The following PPARD variants were observed in gnomAD, a reference collection of about 807,000 sequenced individuals.
PPARD encodes peroxisome proliferator activated receptor delta, also known as peroxisome proliferator-activated receptor delta.
A neutral mutation model predicts 39.5 loss-of-function variants in PPARD; 6 were observed. The ratio of observed to expected loss-of-function variants is 0.15; its 90% CI spans 0.08 to 0.30. The LOEUF (loss-of-function observed/expected upper bound fraction) is 0.30, where lower values mean the gene tolerates loss of function less well. Ranked by LOEUF, PPARD falls within the 10% of genes least tolerant of loss-of-function variation. The pLI is 1.00. For missense variants in PPARD, 397 were observed against 596.8 expected, an observed-to-expected ratio of 0.67 and a Z score of 3.49; for synonymous variants, 210 against 231.3, an observed-to-expected ratio of 0.91 and a Z score of 0.83.
intron 2 of PPARD, among the ~76,000 whole-genome samples, chr6:35,351,861 C>CTTTTTTTTT (rs774957372): frequency 1.9e-4 from 17 of 87,358 alleles, no homozygotes; most frequent in Middle Eastern, 9.8e-3. Context: ...CACACCCAGC[C>CTTTTTTTTT]TTTTTTTTTT....
chr6:35,364,724 G>GTT (rs112971007), intron 2 of PPARD, among the ~76,000 whole-genome samples: 14 of 141,784 alleles, frequency 9.9e-5, no homozygotes, highest in Middle Eastern at 3.8e-3. Flanking sequence ...TTTTTTGTTT[G>GTT]TTTTTTTTTT....
At chr6:35,407,194 C>T (rs1291057017) in intron 2 of PPARD, among the ~76,000 whole-genome samples, 1 of 152,212 alleles carries the variant, frequency 6.6e-6, no homozygotes, top group Non-Finnish European at 1.5e-5. Flanking sequence ...TCCTCTGTTA[C>T]TGCCTGCTAA....
intron 2 of PPARD, among the ~76,000 whole-genome samples, chr6:35,388,025 CTTTTTTTTT>C (rs199635143): frequency 7.3e-6 from 1 of 136,670 alleles, no homozygotes; most frequent in African/African-American, 2.6e-5. Flanking sequence ...CCTGGCCATT[CTTTTTTTTT>C]TTTTTTTAAA....
chr6:35,404,952 TTTGTGTGTGTGTGTGTG>T (rs1483987933), intron 2 of PPARD, among the ~76,000 whole-genome samples: 2 of 118,818 alleles, frequency 1.7e-5, no homozygotes, highest in African/African-American at 6.0e-5. Flanking sequence ...CACTGCAGGC[TTTGTGTGTGTGTGTGTG>T]TGTGTGTGTG....
At chr6:35,415,106 T>A (rs913648358) in intron 3 of PPARD, among the ~76,000 whole-genome samples, 3 of 152,144 alleles carry the variant, frequency 2.0e-5, no homozygotes, top group Non-Finnish European at 4.4e-5. Flanking sequence ...AAAGTGTCCT[T>A]CCTCCTGGCC....
At chr6:35,381,615 A>G (rs1382586988) in intron 2 of PPARD, among the ~76,000 whole-genome samples, 1 of 152,174 alleles carries the variant, frequency 6.6e-6, no homozygotes, top group East Asian at 1.9e-4. Flanking sequence ...AAAGGCAAAA[A>G]GAACACATGC....
intron 2 of PPARD, among the ~76,000 whole-genome samples, chr6:35,361,868 A>G (rs941617702): frequency 5.3e-5 from 8 of 152,224 alleles, no homozygotes; most frequent in African/African-American, 1.9e-4. Flanking sequence ...AGGGCCTGCC[A>G]CTTGCAAGCT....
intron 2 of PPARD, among the ~76,000 whole-genome samples, chr6:35,383,954 C>T (rs1388344645): frequency 7.6e-6 from 1 of 132,240 alleles, no homozygotes; most frequent in African/African-American, 4.0e-5. Context: ...GGTCAGCCCC[C>T]CCGCCAGGCC....
Position 35,424,379 on chromosome 6 carries a change from G to A in PPARD, c.678G>A (p.Leu226=). 2.5e-6 allele frequency: 4 copies of A among 1,613,726 alleles called. No individual in the cohort carries two copies. Among genetic ancestry groups the A allele is most frequent in the Non-Finnish European group, 2.5e-6 (3 of 1,179,816 alleles). Residue 226 remains leucine, a synonymous_variant, in exon 7 of 8, where the codon CTG becomes CTA. Transcript: ENST00000360694. The surrounding 1 kb of genome is among the most constrained non-coding windows in gnomAD (Gnocchi z 7.1). ...IETLWQAEKG[L]VWKQLVNGLP... is the part of the protein sequence containing the mutation. ...CATTGTGGCAGGCAGAGAAGGGGCTGGTGTGGAAGCAGTTGGTGAATGGCC... is the reference window on the plus strand; with the variant it reads ...CATTGTGGCAGGCAGAGAAGGGGCTAGTGTGGAAGCAGTTGGTGAATGGCC...
intron 2 of PPARD, among the ~76,000 whole-genome samples, chr6:35,410,577 G>T (rs1435932450): frequency 6.6e-6 from 1 of 152,216 alleles, no homozygotes; most frequent in African/African-American, 2.4e-5. Context: ...CCTGAGTGCT[G>T]ATAGGGACAG....
intron 2 of PPARD, among the ~76,000 whole-genome samples, chr6:35,355,595 CTTCTTTTTTTTTTTTTTTTTTTT>C (rs1761548729): frequency 2.0e-5 from 1 of 50,444 alleles, no homozygotes; most frequent in African/African-American, 7.2e-5. Context: ...TCTTCTTCTT[CTTCTTTTTTTTTTTTTTTTTTTT>C]TTTTTTTTTT....
intron 2 of PPARD, chr6:35,348,229 C>T (rs1311312154): frequency 2.0e-5 from 11 of 561,804 alleles, no homozygotes; most frequent in Middle Eastern, 8.9e-4. Context: ...TTTTTAAGTG[C>T]CAACTATGTG....
At chr6:35,420,572 G>T (rs889192701) in intron 4 of PPARD, among the ~76,000 whole-genome samples, 3 of 152,180 alleles carry the variant, frequency 2.0e-5, no homozygotes, top group Non-Finnish European at 4.4e-5. Context: ...AGGGTCTTGG[G>T]CTGAGCCATC....
intron 2 of PPARD, among the ~76,000 whole-genome samples, chr6:35,374,957 C>T (rs1762721963): frequency 6.6e-6 from 1 of 152,094 alleles, no homozygotes; most frequent in African/African-American, 2.4e-5. Context: ...AATGTCACTC[C>T]TGTTTTTTGC....
intron 2 of PPARD, among the ~76,000 whole-genome samples, chr6:35,409,951 A>G (rs1354721314): frequency 1.3e-5 from 2 of 152,230 alleles, no homozygotes; most frequent in Non-Finnish European, 2.9e-5. Context: ...ACTACAGTGT[A>G]CAGCCGAGTT....
intron 2 of PPARD, among the ~76,000 whole-genome samples, chr6:35,347,589 A>G (rs1760943619): frequency 6.6e-6 from 1 of 151,384 alleles, no homozygotes; most frequent in Non-Finnish European, 1.5e-5. Flanking sequence ...GGGCAAATAT[A>G]TATATATATA....
At chr6:35,354,626 TTTCAG>T (rs1220600607) in intron 2 of PPARD, among the ~76,000 whole-genome samples, 1 of 152,154 alleles carries the variant, frequency 6.6e-6, no homozygotes. Flanking sequence ...GTTTTTTCAC[TTTCAG>T]TACAGTATTC....
chr6:35,345,069 C>A (rs967110726), intron 1 of PPARD, among the ~76,000 whole-genome samples: 1 of 152,170 alleles, frequency 6.6e-6, no homozygotes, highest in Non-Finnish European at 1.5e-5. Context: ...TCTGGCCGTG[C>A]TTACCCCTTA....
At position 35,355,595 on chromosome 6, in the gene PPARD, CTTCTTTTTTTTTTTTTTTTTT is replaced by C. The variant is rs1418203438; in HGVS notation, c.-102+8448_-102+8468del. ...AAAAAAAAAGTGCTTTCTTCTTCTT[CTTCTTTTTTTTTTTTTTTTTT>C]TTTTTTTTTTTTTGAGACGGAGTCT... On this transcript the variant is annotated intron_variant, in intron 2 of 7. Coordinates refer to ENST00000360694, the MANE Select transcript of PPARD (RefSeq NM_006238.5). Among the ~76,000 whole-genome samples the C allele has an allele frequency of 2.2e-4, 11 of 50,432 alleles. No individual in the cohort carries two copies. The East Asian group carries it at 5.4e-3, about 25-fold the overall frequency. The allele number at this position is 50,432 out of a possible 152,430, so 33.1% of individuals were successfully genotyped here.
Sources: gnomAD v4.1 joint callset for allele counts (sites outside exome capture counted in the v4.1 genomes callset) on GRCh38, gnomAD v4.1.1 for gene constraint, Gnocchi (gnomAD v3.1) non-coding constraint, MANE v1.5 for transcripts, NCBI Gene and HGNC (gene_info 2026-07-23, HGNC 2026-07-21) for gene names.